Variants in CERS6 observed in about 807,000 individuals in gnomAD.
CERS6 encodes the protein LAG1 homolog, ceramide synthase 6.
In CERS6, 26 loss-of-function variants were observed where a neutral mutation model predicts 56.8. The observed-to-expected ratio is 0.46, with a 90% CI of 0.34 to 0.63. CERS6 has a LOEUF of 0.63. Ranked by LOEUF, CERS6 falls within the 30% of genes least tolerant of loss-of-function variation. The pLI is 0.01. For missense variants in CERS6, 415 were observed against 467.5 expected (o/e 0.89, Z 1.04); for synonymous variants, 164 against 173.3 (o/e 0.95, Z 0.42).
At chr2:168,538,863 A>C (rs1695315680) in intron 1 of CERS6, among the ~76,000 whole-genome samples, 2 of 152,226 alleles carry the variant, frequency 1.3e-5, no homozygotes, top group African/African-American at 4.8e-5. Flanking sequence ...TAAATACCTA[A>C]AAGTGGGATT....
intron 4 of CERS6, among the ~76,000 whole-genome samples, chr2:168,683,676 T>C (rs1234622198): frequency 6.6e-6 from 1 of 152,208 alleles, no homozygotes; most frequent in Non-Finnish European, 1.5e-5. Context: ...ACCTGGTCTC[T>C]TTCTCCCTAA....
chr2:168,633,383 T>C (rs1684793275), intron 4 of CERS6, among the ~76,000 whole-genome samples: 1 of 152,142 alleles, frequency 6.6e-6, no homozygotes, highest in African/African-American at 2.4e-5. Flanking sequence ...TAAGCCATCT[T>C]GTCCAACCCT....
chr2:168,731,779 G>A (rs1279076499), intron 8 of CERS6, among the ~76,000 whole-genome samples: 1 of 152,130 alleles, frequency 6.6e-6, no homozygotes, highest in Non-Finnish European at 1.5e-5. Flanking sequence ...TCAATTAGGT[G>A]CCCAACCTCA....
chr2:168,717,041 G>A (rs1687242554), intron 7 of CERS6, among the ~76,000 whole-genome samples: 1 of 152,062 alleles, frequency 6.6e-6, no homozygotes, highest in Non-Finnish European at 1.5e-5. Flanking sequence ...AGATGATTAA[G>A]CAAAATTGTT....
intron 1 of CERS6, among the ~76,000 whole-genome samples, chr2:168,504,546 C>G (rs902786840): frequency 2.6e-5 from 4 of 152,114 alleles, no homozygotes; most frequent in African/African-American, 7.2e-5. Context: ...CAAAGAGAAA[C>G]TGACTTCCTG....
At chr2:168,743,865 A>T (rs1048479138) in intron 8 of CERS6, among the ~76,000 whole-genome samples, 2 of 152,136 alleles carry the variant, frequency 1.3e-5, no homozygotes, top group South Asian at 4.1e-4. Context: ...CAAAATTTTT[A>T]AAATATTTTT....
intron 2 of CERS6, 115 bp downstream of exon 2, chr2:168,547,816 T>C (rs1017828743): frequency 2.9e-6 from 2 of 698,728 alleles, no homozygotes; most frequent in Non-Finnish European, 5.1e-6. Context: ...AGCCTTATGC[T>C]GGAGAACGTG....
At chr2:168,693,833 C>G (rs1408973085) in intron 5 of CERS6, among the ~76,000 whole-genome samples, 1 of 152,124 alleles carries the variant, frequency 6.6e-6, no homozygotes, top group African/African-American at 2.4e-5. Context: ...AACTTTCAGT[C>G]CACAGCAGTG....
At position 168,592,919 on chromosome 2, in the gene CERS6, A is replaced by G. The variant is rs375964881; in HGVS notation, c.407+31597A>G. Among the ~76,000 whole-genome samples the G allele has an allele frequency of 7.9e-5, 12 of 152,314 alleles. No homozygotes were observed. In the East Asian group the frequency reaches 1.4e-3, roughly 17 times the overall value. ...TTACCATTCTAGGGGCCAGGAGTCCAAGTGGTTTCACTGGGATAAACTCAG... is the reference window on the plus strand; with the variant it reads ...TTACCATTCTAGGGGCCAGGAGTCCGAGTGGTTTCACTGGGATAAACTCAG... On this transcript the variant is annotated intron_variant, in intron 3 of 9. Coordinates refer to ENST00000305747, the MANE Select transcript of CERS6 (RefSeq NM_203463.3).
chr2:168,535,042 G>A (rs1695235582), intron 1 of CERS6, among the ~76,000 whole-genome samples: 1 of 152,232 alleles, frequency 6.6e-6, no homozygotes, highest in Non-Finnish European at 1.5e-5. Context: ...CACGTCTTGG[G>A]ACCAAGCCGT....
At chr2:168,605,047 A>G (rs1171042742) in intron 3 of CERS6, among the ~76,000 whole-genome samples, 2 of 152,216 alleles carry the variant, frequency 1.3e-5, no homozygotes, top group East Asian at 3.9e-4. Flanking sequence ...CAGTTCAACA[A>G]GTCACAGGAA....
intron 2 of CERS6, among the ~76,000 whole-genome samples, chr2:168,555,911 T>C (rs1558996261): frequency 6.6e-6 from 1 of 152,116 alleles, no homozygotes; most frequent in Non-Finnish European, 1.5e-5. Context: ...ATTAGCATTT[T>C]AAAGGTATGA....
intron 4 of CERS6, among the ~76,000 whole-genome samples, chr2:168,661,488 T>C (rs1034430486): frequency 6.6e-6 from 1 of 152,198 alleles, no homozygotes; most frequent in African/African-American, 2.4e-5. Context: ...CGACAAAACC[T>C]TTCTCCTCAT....
intron 2 of CERS6, among the ~76,000 whole-genome samples, chr2:168,558,083 A>T (rs1005204797): frequency 6.6e-6 from 1 of 152,220 alleles, no homozygotes; most frequent in Non-Finnish European, 1.5e-5. Context: ...ATCCTGTTTT[A>T]TGTATTAGAC....
chr2:168,512,470 TCTTTA>T (rs1165683776), intron 1 of CERS6, among the ~76,000 whole-genome samples: 4 of 152,158 alleles, frequency 2.6e-5, no homozygotes, highest in East Asian at 3.9e-4. Context: ...CTGAGATTTT[TCTTTA>T]CTTTATTTTC....
intron 1 of CERS6, among the ~76,000 whole-genome samples, chr2:168,478,458 G>T (rs1694118878): frequency 6.6e-6 from 1 of 152,136 alleles, no homozygotes; most frequent in South Asian, 2.1e-4. Context: ...GACCTCCAGA[G>T]GTATCTGGTG....
chr2:168,495,407 G>C (rs909979764), intron 1 of CERS6, among the ~76,000 whole-genome samples: 1 of 152,152 alleles, frequency 6.6e-6, no homozygotes, highest in Non-Finnish European at 1.5e-5. Context: ...AGACTGGTCG[G>C]AGTTGTAAAA....
chr2:168,653,729 C>T (rs111762091), intron 4 of CERS6, among the ~76,000 whole-genome samples: 7 of 152,266 alleles, frequency 4.6e-5, no homozygotes, highest in African/African-American at 1.7e-4. Context: ...GTATCTGCTG[C>T]CAGCAACACT....
intron 4 of CERS6, among the ~76,000 whole-genome samples, chr2:168,634,150 A>G (rs1684811075): frequency 6.6e-6 from 1 of 152,224 alleles, no homozygotes; most frequent in Non-Finnish European, 1.5e-5. Context: ...CTATTCAGTA[A>G]AGTTACTGCT....
Sources: gnomAD v4.1 joint callset for allele counts (sites outside exome capture counted in the v4.1 genomes callset) on GRCh38, gnomAD v4.1.1 for gene constraint, MANE v1.5 for transcripts, NCBI Gene and HGNC (gene_info 2026-07-23, HGNC 2026-07-21) for gene names.